The following SH2D4A variants were observed in gnomAD, a reference collection of about 807,000 sequenced individuals.
The protein encoded by SH2D4A is SH2 domain containing 4A.
In SH2D4A, 70 loss-of-function variants were observed where a neutral mutation model predicts 64.7. That is an observed-to-expected ratio of 1.08 (90% CI 0.89 to 1.32). The LOEUF is 1.32. Ranked by LOEUF, SH2D4A falls within the 40% of genes most tolerant of loss-of-function variation. SH2D4A has a pLI of 0.00. For missense variants in SH2D4A, 706 were observed against 540.1 expected (o/e 1.31, Z -3.04); for synonymous variants, 268 against 200.7 (o/e 1.34, Z -2.83).
At chr8:19,322,204 C>A (rs981675212) in intron 2 of SH2D4A, among the ~76,000 whole-genome samples, 1 of 152,142 alleles carries the variant, frequency 6.6e-6, no homozygotes, top group African/African-American at 2.4e-5. Context: ...AGCCATAGAC[C>A]GTCCAAAGCA....
intron 7 of SH2D4A, among the ~76,000 whole-genome samples, chr8:19,372,092 A>G (rs2053111072): frequency 2.6e-5 from 4 of 152,162 alleles, no homozygotes. Flanking sequence ...ATGCTTGTGT[A>G]TGTGTGACAA....
At chr8:19,314,198 G>C in intron 1 of SH2D4A, 4 of 756,174 alleles carry the variant, frequency 5.3e-6, no homozygotes, top group Non-Finnish European at 5.0e-6. Flanking sequence ...AGGGACACGC[G>C]GCGCGTGCTT....
At chr8:19,344,242 A>T (rs1329656663) in intron 4 of SH2D4A, among the ~76,000 whole-genome samples, 2 of 152,126 alleles carry the variant, frequency 1.3e-5, no homozygotes, top group Non-Finnish European at 2.9e-5. Context: ...TGAAATCAAG[A>T]TGTCAGCCAT....
intron 8 of SH2D4A, among the ~76,000 whole-genome samples, chr8:19,390,063 G>A (rs1352057113): frequency 6.6e-6 from 1 of 152,110 alleles, no homozygotes; most frequent in African/African-American, 2.4e-5. Context: ...GCAATGCAGG[G>A]GACAAGTACC....
intron 8 of SH2D4A, among the ~76,000 whole-genome samples, chr8:19,386,815 T>G (rs887370883): frequency 2.0e-5 from 3 of 152,248 alleles, no homozygotes; most frequent in Non-Finnish European, 4.4e-5. Flanking sequence ...GGTGTTGCTC[T>G]GTCACTCAGG....
chr8:19,371,167 C>G (rs187902469), intron 7 of SH2D4A, among the ~76,000 whole-genome samples: 1 of 152,202 alleles, frequency 6.6e-6, no homozygotes, highest in Admixed American at 6.5e-5. Flanking sequence ...GTGGTTTACA[C>G]ATCATGATGA....
At chr8:19,372,308 T>C (rs1307391710) in intron 7 of SH2D4A, among the ~76,000 whole-genome samples, 2 of 152,094 alleles carry the variant, frequency 1.3e-5, no homozygotes, top group African/African-American at 4.8e-5. Flanking sequence ...GGCTCTATGA[T>C]TTACACAGCT....
intron 6 of SH2D4A, 111 bp downstream of exon 6, chr8:19,361,425 C>A: frequency 1.8e-6 from 2 of 1,099,456 alleles, no homozygotes; most frequent in South Asian, 5.5e-5. Context: ...GAGATATGTT[C>A]ACAGTAAGTT....
At chr8:19,345,948 C>G (rs1036942342) in intron 4 of SH2D4A, among the ~76,000 whole-genome samples, 2 of 152,224 alleles carry the variant, frequency 1.3e-5, no homozygotes, top group Non-Finnish European at 2.9e-5. Context: ...TTGATGGCTG[C>G]TACAGGCTTT....
At chr8:19,331,428 G>C (rs573921363) in intron 2 of SH2D4A, among the ~76,000 whole-genome samples, 140 of 152,238 alleles carry the variant, frequency 9.2e-4, no homozygotes, top group Admixed American at 1.7e-3. Flanking sequence ...AGTTGCCCTG[G>C]GTAGGCCTGA....
chr8:19,346,995 G>A (rs998197228), intron 4 of SH2D4A, among the ~76,000 whole-genome samples: 2 of 152,214 alleles, frequency 1.3e-5, no homozygotes, highest in African/African-American at 4.8e-5. Flanking sequence ...GGAGGCTGAA[G>A]TAACATCTAG....
intron 4 of SH2D4A, among the ~76,000 whole-genome samples, chr8:19,353,963 G>T (rs1392046392): frequency 6.6e-6 from 1 of 151,084 alleles, no homozygotes; most frequent in East Asian, 1.9e-4. Context: ...TAAATAGAAG[G>T]ATTCATCTCT....
Position 19,394,770 on chromosome 8 carries a change from G to C in SH2D4A, c.*128G>C. 2.4e-6 allele frequency: 1 copy of C among 412,624 alleles called. No individual in the cohort carries two copies. Among genetic ancestry groups the C allele is most frequent in the Non-Finnish European group, 4.3e-6 (1 of 233,532 alleles). The allele number at this position is 412,624 out of a possible 1,614,324, so 25.6% of individuals were successfully genotyped here. A position where few individuals can be genotyped will look rare whatever the true frequency, so the allele number is the denominator to read the frequency against. ...CCAATACTGATCAACTGAAAGTAAAGTATCCATGGAGTCCTCATTGACACC... is the reference window on the plus strand; with the variant it reads ...CCAATACTGATCAACTGAAAGTAAACTATCCATGGAGTCCTCATTGACACC... On this transcript the variant is annotated 3_prime_UTR_variant, in exon 10 of 10. Transcript: ENST00000265807.
At chr8:19,378,911 CAA>C (rs375441883) in intron 8 of SH2D4A, among the ~76,000 whole-genome samples, 12 of 103,038 alleles carry the variant, frequency 1.2e-4, no homozygotes, top group East Asian at 5.6e-4. Flanking sequence ...CCCATCTCTC[CAA>C]AAAAAAAAAA....
At chr8:19,362,145 A>G (rs138760399) in intron 6 of SH2D4A, among the ~76,000 whole-genome samples, 13 of 152,226 alleles carry the variant, frequency 8.5e-5, no homozygotes, top group African/African-American at 2.4e-4. Flanking sequence ...TTGAGATCCT[A>G]CATTGATCTG....
At chr8:19,379,066 C>T (rs1044785930) in intron 8 of SH2D4A, among the ~76,000 whole-genome samples, 2 of 141,164 alleles carry the variant, frequency 1.4e-5, no homozygotes, top group Non-Finnish European at 3.1e-5. Context: ...GGAAGACAGA[C>T]CCTGCCTTAA....
intron 8 of SH2D4A, among the ~76,000 whole-genome samples, chr8:19,374,588 G>C (rs552184139): frequency 9.8e-5 from 15 of 152,316 alleles, no homozygotes; most frequent in African/African-American, 3.1e-4. Context: ...TCTTCTAAAA[G>C]GAATAGCTAT....
At chr8:19,337,778 A>C (rs1002217122) in intron 4 of SH2D4A, among the ~76,000 whole-genome samples, 1 of 152,164 alleles carries the variant, frequency 6.6e-6, no homozygotes. Flanking sequence ...CACTATCACA[A>C]GAACACCATG....
At chr8:19,373,982 G>A (rs1431584695) in intron 8 of SH2D4A, among the ~76,000 whole-genome samples, 1 of 152,146 alleles carries the variant, frequency 6.6e-6, no homozygotes, top group Non-Finnish European at 1.5e-5. Context: ...CCATCAAATG[G>A]CCACGTCTTC....
Sources: gnomAD v4.1 joint callset for allele counts (sites outside exome capture counted in the v4.1 genomes callset) on GRCh38, gnomAD v4.1.1 for gene constraint, MANE v1.5 for transcripts, NCBI Gene and HGNC (gene_info 2026-07-23, HGNC 2026-07-21) for gene names.